ADGRG4: variants seen among roughly 807,000 people sequenced by gnomAD.
ADGRG4 encodes the protein G protein-coupled receptor 112.
A neutral mutation model predicts 126.2 loss-of-function variants in ADGRG4; 122 were observed. The observed-to-expected ratio is 0.97, with a 90% confidence interval of 0.83 to 1.12. ADGRG4 has a LOEUF of 1.12. ADGRG4 is among the 50% of genes most tolerant of loss of function. ADGRG4 has a pLI of 0.00. For missense variants in ADGRG4, 2,481 were observed against 2,251.8 expected, an observed-to-expected ratio of 1.10 and a Z score of -2.06; for synonymous variants, 943 against 838.7, an observed-to-expected ratio of 1.12 and a Z score of -2.15.
At chrX:136,406,936 G>GA (rs199904582) in intron 23 of ADGRG4, among the ~76,000 whole-genome samples, 3,619 of 109,749 alleles carry the variant, frequency 0.033, 172 homozygotes, top group African/African-American at 0.11. Flanking sequence ...AAAAGCTAGA[G>GA]TCTGGTTCAT....
rs761672650 is a variant in ADGRG4 at position 136,416,522 on chromosome X, G to T, written c.*31G>T. On this transcript the variant is annotated 3_prime_UTR_variant, in exon 26 of 26. Transcript: ENST00000394143. ...GAAGTTGTGCCTAATTATGTAAAAA[G>T]AATATAATACCTGTGGAAATAAAAA... 1 of 1,089,494 alleles carries T rather than the reference G, an allele frequency of 9.2e-7. No individual in the cohort carries two copies. Among genetic ancestry groups the T allele is most frequent in the Middle Eastern group, 2.5e-4 (1 of 4,075 alleles). 89.8% of individuals were successfully genotyped at this position (1,089,494 alleles called of 1,213,427 possible). A position where few individuals can be genotyped will look rare whatever the true frequency, so the allele number is the denominator to read the frequency against.
intron 4 of ADGRG4, among the ~76,000 whole-genome samples, chrX:136,313,155 C>T (rs1413733112): frequency 8.9e-6 from 1 of 112,146 alleles, no homozygotes; most frequent in Non-Finnish European, 1.9e-5. Flanking sequence ...GCTTTCATTT[C>T]TTTTGTGAAT....
In ADGRG4 at chrX:136,348,419, T is replaced by C; in HGVS notation, c.4713T>C (p.Ala1571=). The part of the protein sequence containing the change: ...EMSSIPVNNS[A]FTPATVSSDT... ...CCTCAATACCAGTTAATAACTCTGCTTTCACACCTGCAACAGTCTCTTCTG... is the reference window on the plus strand; with the variant it reads ...CCTCAATACCAGTTAATAACTCTGCCTTCACACCTGCAACAGTCTCTTCTG... The change falls in exon 6 of 26, where the codon GCT becomes GCC. Residue 1571 remains alanine (A), a synonymous_variant. Coordinates refer to ENST00000394143, the MANE Select transcript of ADGRG4 (RefSeq NM_153834.4). 2 of 1,208,804 alleles carry C rather than the reference T, an allele frequency of 1.7e-6. No homozygotes were observed. Among genetic ancestry groups the C allele is most frequent in the South Asian group, 3.5e-5 (2 of 56,935 alleles).
At chrX:136,319,464 C>A (rs753249646) in intron 4 of ADGRG4, among the ~76,000 whole-genome samples, 8 of 111,887 alleles carry the variant, frequency 7.2e-5, no homozygotes, top group Non-Finnish European at 1.1e-4. Flanking sequence ...TGTGGAAGAA[C>A]GAGGCATGGA....
intron 10 of ADGRG4, among the ~76,000 whole-genome samples, chrX:136,358,118 G>C (rs180902337): frequency 6.5e-4 from 73 of 111,594 alleles, no homozygotes; most frequent in African/African-American, 2.1e-3. Flanking sequence ...GTTCAGACTC[G>C]TGGTCCAGCT....
At chrX:136,412,461 C>T (rs2075451562) in intron 24 of ADGRG4, 95 bp downstream of exon 24, 2 of 555,294 alleles carry the variant, frequency 3.6e-6, no homozygotes, top group Admixed American at 2.7e-5. Flanking sequence ...TACAGCATAT[C>T]AGCATCAAAA....
chrX:136,391,873 T>C (rs953732227), intron 16 of ADGRG4, among the ~76,000 whole-genome samples: 1 of 112,684 alleles, frequency 8.9e-6, no homozygotes, highest in Non-Finnish European at 1.9e-5. Flanking sequence ...GCAAGGATGG[T>C]TGAGAGTTAG....
intron 5 of ADGRG4, among the ~76,000 whole-genome samples, 179 bp downstream of exon 5, chrX:136,323,571 T>C (rs1394948336): frequency 1.2e-5 from 1 of 81,729 alleles, no homozygotes; most frequent in East Asian, 3.9e-4. Context: ...AAGAATAGGA[T>C]AGAAGAACAC....
intron 13 of ADGRG4, among the ~76,000 whole-genome samples, chrX:136,369,537 T>TA (rs1377453684): frequency 8.9e-6 from 1 of 112,205 alleles, no homozygotes; most frequent in Admixed American, 9.5e-5. Context: ...TTTACTTTCA[T>TA]TCTGCCACAG....
intron 5 of ADGRG4, among the ~76,000 whole-genome samples, chrX:136,332,526 T>C (rs2074919046): frequency 9.2e-6 from 1 of 108,475 alleles, no homozygotes; most frequent in Non-Finnish European, 1.9e-5. Flanking sequence ...TACCCAGTAA[T>C]GGGATGGCTG....
intron 5 of ADGRG4, among the ~76,000 whole-genome samples, chrX:136,329,270 A>G (rs1391818012): frequency 8.9e-6 from 1 of 112,076 alleles, no homozygotes; most frequent in East Asian, 2.8e-4. Flanking sequence ...AATCACAACC[A>G]GAATTTGGTA....
At chrX:136,375,465 T>C (rs1362268625) in intron 15 of ADGRG4, among the ~76,000 whole-genome samples, 1 of 112,300 alleles carries the variant, frequency 8.9e-6, no homozygotes, top group Non-Finnish European at 1.9e-5. Context: ...CTCCATACTG[T>C]TTTCCACAGT....
At position 136,344,410 on chromosome X, in the gene ADGRG4, C is replaced by T. The variant is rs991655448; in HGVS notation, c.704C>T (p.Thr235Ile). ...TLRCFVPENM[T>I]IQEKSTTVSQ... ...TTTTTAGTTGTTCCTGAAAATATGA[C>T]AATTCAAGAAAAAAGTACAACTGTT... The change falls in exon 6 of 26, where the codon ACA (threonine) becomes ATA (isoleucine). Residue 235 changes from threonine (T) to isoleucine (I), a missense_variant. By Grantham distance (89) the Thr-to-Ile change is moderately conservative. Coordinates refer to ENST00000394143, the MANE Select transcript of ADGRG4 (RefSeq NM_153834.4). 8.7e-7 allele frequency: 1 copy of T among 1,155,764 alleles called. No homozygotes were observed. Among genetic ancestry groups the T allele is most frequent in the Non-Finnish European group, 1.2e-6 (1 of 865,448 alleles).
At chrX:136,390,404 C>T (rs945031681) in intron 16 of ADGRG4, among the ~76,000 whole-genome samples, 15 of 110,925 alleles carry the variant, frequency 1.4e-4, no homozygotes, top group African/African-American at 4.9e-4. Flanking sequence ...TCTCCTCCTC[C>T]ACACCTCCTC....
chrX:136,403,119 A>G, intron 21 of ADGRG4, 125 bp from the exon 22 acceptor site: 2 of 494,542 alleles, frequency 4.0e-6, no homozygotes, highest in Non-Finnish European at 3.6e-6. Flanking sequence ...AAACAATAGT[A>G]TTTTGATGCC....
chrX:136,320,335 C>A (rs1228425184), intron 4 of ADGRG4, among the ~76,000 whole-genome samples: 1 of 111,991 alleles, frequency 8.9e-6, no homozygotes, highest in African/African-American at 3.2e-5. Flanking sequence ...CAATTATATA[C>A]AATTAAGATT....
intron 15 of ADGRG4, among the ~76,000 whole-genome samples, chrX:136,377,167 CT>C (rs1184343263): frequency 0.21 from 9,906 of 47,361 alleles, 248 homozygotes; most frequent in Non-Finnish European, 0.23. Flanking sequence ...GTTTTCTTTC[CT>C]TTTTTTTTTT....
rs886736648 is a variant in ADGRG4, at chrX:136,416,762, C to G, written c.*271C>G. ...AAATCCCAGTAGAGATACTTGCCTC[C>G]TCCCAACCCCTGATTGGGGAAAAGG... On this transcript the variant is annotated 3_prime_UTR_variant, in exon 26 of 26. Transcript: ENST00000394143. 6 of 226,106 alleles carry G rather than the reference C, an allele frequency of 2.7e-5. No homozygotes were observed. The highest frequency in any genetic ancestry group is 1.4e-4 in the African/African-American group (5 of 34,848). The allele number at this position is 226,106 out of a possible 1,213,427, so 18.6% of individuals were successfully genotyped here.
intron 16 of ADGRG4, among the ~76,000 whole-genome samples, chrX:136,391,728 G>A (rs889109073): frequency 3.6e-5 from 4 of 112,375 alleles, no homozygotes; most frequent in African/African-American, 1.3e-4. Flanking sequence ...AGAAGGCGAT[G>A]ACTGTCCTCT....
Sources: gnomAD v4.1 joint callset for allele counts (sites outside exome capture counted in the v4.1 genomes callset) on GRCh38, gnomAD v4.1.1 for gene constraint, MANE v1.5 for transcripts, NCBI Gene and HGNC (gene_info 2026-07-23, HGNC 2026-07-21) for gene names.